EHBP1: variants seen among roughly 807,000 people sequenced by gnomAD.
EHBP1 encodes the protein EH domain-binding protein 1.
EHBP1 carries 55 observed loss-of-function variants against 144.0 expected under a neutral mutation model. The ratio of observed to expected loss-of-function variants is 0.38; its 90% CI spans 0.31 to 0.48. EHBP1 has a LOEUF of 0.48. Ranked by LOEUF, EHBP1 falls within the 20% of genes least tolerant of loss-of-function variation. The pLI is 0.98. For synonymous variants in EHBP1, 469 were observed against 472.7 expected, an observed-to-expected ratio of 0.99 and a Z score of 0.10; for missense variants, 1,200 against 1,364.2, an observed-to-expected ratio of 0.88 and a Z score of 1.90.
At chr2:62,810,151 A>T (rs1270312878) in intron 5 of EHBP1, among the ~76,000 whole-genome samples, 1 of 152,258 alleles carries the variant, frequency 6.6e-6, no homozygotes, top group African/African-American at 2.4e-5. Flanking sequence ...CAGTGGTATC[A>T]ACAAGTTGGT....
chr2:62,695,507 T>C (rs1187068651), intron 1 of EHBP1, among the ~76,000 whole-genome samples: 1 of 152,186 alleles, frequency 6.6e-6, no homozygotes, highest in Non-Finnish European at 1.5e-5. Flanking sequence ...ATGGGCAGAA[T>C]AGATCCAGAA....
intron 21 of EHBP1, chr2:63,043,920 C>CTGTTTTT (rs2061796841): frequency 1.1e-4 from 1 of 9,384 alleles, no homozygotes; most frequent in Non-Finnish European, 2.0e-4. Flanking sequence ...GGCCATGGTT[C>CTGTTTTT]TTTTTTTTTT....
chr2:62,735,119 C>T (rs1488888109), intron 2 of EHBP1, among the ~76,000 whole-genome samples: 2 of 152,080 alleles, frequency 1.3e-5, no homozygotes, highest in East Asian at 1.9e-4. Context: ...GGCCTCAAAC[C>T]CCTGGGATCA....
Position 62,754,956 on chromosome 2 carries a change from C to G in EHBP1, c.162+7504C>G, listed in dbSNP as rs555397958. On this transcript the variant is annotated intron_variant, in intron 3 of 22. Coordinates refer to ENST00000431489, the MANE Select transcript of EHBP1 (RefSeq NM_001142616.3). ...CTTCCCGGGTGAGGCAATGCCTTGCCCTGCTTCGGCTCATGCTCGATGGGC... is the reference window on the plus strand; with the variant it reads ...CTTCCCGGGTGAGGCAATGCCTTGCGCTGCTTCGGCTCATGCTCGATGGGC... Among the ~76,000 whole-genome samples the G allele has an allele frequency of 2.6e-5, 4 of 152,326 alleles. No individual in the cohort carries two copies. In the South Asian group the frequency reaches 8.3e-4, roughly 32 times the overall value.
intron 4 of EHBP1, 42 bp downstream of exon 4, chr2:62,764,403 C>A (rs553748103): frequency 1.4e-6 from 2 of 1,408,988 alleles, no homozygotes; most frequent in Non-Finnish European, 1.9e-6. Context: ...ATTATATAAC[C>A]AGGGTACCAA....
chr2:62,984,823 G>A (rs2059120965), intron 15 of EHBP1, among the ~76,000 whole-genome samples: 1 of 152,136 alleles, frequency 6.6e-6, no homozygotes, highest in Non-Finnish European at 1.5e-5. Flanking sequence ...CTGGGGAGTG[G>A]TAGTGTAAAT....
intron 4 of EHBP1, among the ~76,000 whole-genome samples, chr2:62,767,699 A>T (rs2041300379): frequency 6.6e-6 from 1 of 151,658 alleles, no homozygotes; most frequent in Non-Finnish European, 1.5e-5. Context: ...AGCTGGGTGC[A>T]GTGGTGTGTG....
chr2:62,815,616 T>C (rs2045379974), intron 5 of EHBP1, among the ~76,000 whole-genome samples: 1 of 152,182 alleles, frequency 6.6e-6, no homozygotes, highest in East Asian at 1.9e-4. Flanking sequence ...AAAAACTAAC[T>C]GTGGTTATTC....
At chr2:62,686,208 C>T (rs1572863898) in intron 1 of EHBP1, among the ~76,000 whole-genome samples, 1 of 152,166 alleles carries the variant, frequency 6.6e-6, no homozygotes, top group East Asian at 1.9e-4. Context: ...GACAGCTCTA[C>T]ATTAAACCAC....
chr2:63,007,704 A>G (rs530251297), intron 19 of EHBP1, among the ~76,000 whole-genome samples: 68 of 151,938 alleles, frequency 4.5e-4, no homozygotes, highest in Non-Finnish European at 6.9e-4. Context: ...TAGAAAGTGT[A>G]TATTATGGTT....
intron 10 of EHBP1, among the ~76,000 whole-genome samples, chr2:62,918,454 T>C (rs1386332315): frequency 2.0e-5 from 3 of 152,110 alleles, no homozygotes; most frequent in Non-Finnish European, 4.4e-5. Context: ...CATCACAATA[T>C]ATTAAATTAA....
intron 7 of EHBP1, among the ~76,000 whole-genome samples, chr2:62,836,228 G>A (rs1418382607): frequency 1.3e-5 from 2 of 152,224 alleles, no homozygotes; most frequent in East Asian, 1.9e-4. Flanking sequence ...CCCAGCAGGG[G>A]CACACTGACA....
At chr2:62,824,948 T>C (rs949460599) in intron 5 of EHBP1, among the ~76,000 whole-genome samples, 1 of 152,014 alleles carries the variant, frequency 6.6e-6, no homozygotes, top group African/African-American at 2.4e-5. Flanking sequence ...GAAAATTGAA[T>C]AATTTTATGG....
At chr2:62,805,014 G>C (rs1573443571) in intron 5 of EHBP1, among the ~76,000 whole-genome samples, 1 of 152,308 alleles carries the variant, frequency 6.6e-6, no homozygotes, top group East Asian at 1.9e-4. Flanking sequence ...TCTGGTGCCA[G>C]AAAGATTGGG....
At chr2:62,875,773 A>T (rs1381973145) in intron 10 of EHBP1, among the ~76,000 whole-genome samples, 1 of 152,224 alleles carries the variant, frequency 6.6e-6, no homozygotes, top group Non-Finnish European at 1.5e-5. Context: ...TGAAATAGTC[A>T]TTTTATGAAA....
chr2:62,712,082 G>A (rs1432926750), intron 2 of EHBP1, among the ~76,000 whole-genome samples: 1 of 152,190 alleles, frequency 6.6e-6, no homozygotes, highest in Non-Finnish European at 1.5e-5. Context: ...GATTGGTAGA[G>A]AAGGAAAAAT....
chr2:63,020,502 CA>C (rs544692213), intron 19 of EHBP1, among the ~76,000 whole-genome samples: 2,915 of 105,116 alleles, frequency 0.028, 75 homozygotes, highest in African/African-American at 0.088. Context: ...GACTACATCT[CA>C]AAAAAAAAAA....
At chr2:62,938,027 C>G (rs2056498222) in intron 10 of EHBP1, among the ~76,000 whole-genome samples, 1 of 152,064 alleles carries the variant, frequency 6.6e-6, no homozygotes, top group Non-Finnish European at 1.5e-5. Flanking sequence ...GCAAAACTGC[C>G]TGCAAAATTA....
At chr2:62,931,192 C>A (rs1376605130) in intron 10 of EHBP1, among the ~76,000 whole-genome samples, 2 of 152,028 alleles carry the variant, frequency 1.3e-5, no homozygotes, top group African/African-American at 4.8e-5. Context: ...ACCAAACAAC[C>A]CAGTTCAAAA....
Sources: allele counts gnomAD v4.1 joint callset (sites outside exome capture counted in the v4.1 genomes callset), GRCh38; gene constraint gnomAD v4.1.1; transcripts MANE v1.5; gene names NCBI Gene and HGNC (gene_info 2026-07-23, HGNC 2026-07-21).